Variants in GAREM1 observed in about 807,000 individuals in gnomAD.
GAREM1 encodes the protein GRB2-associated and regulator of MAPK protein 1.
A neutral mutation model predicts 71.3 loss-of-function variants in GAREM1; 26 were observed. The ratio of observed to expected loss-of-function variants is 0.36; its 90% CI spans 0.27 to 0.51. GAREM1 has a LOEUF of 0.51. Ranked by LOEUF, GAREM1 falls within the 20% of genes least tolerant of loss-of-function variation. The pLI is 0.95. For missense variants in GAREM1, 1,026 were observed against 1,103.1 expected, an observed-to-expected ratio of 0.93 and a Z score of 0.99; for synonymous variants, 440 against 433.2, an observed-to-expected ratio of 1.02 and a Z score of -0.20.
chr18:32,464,803 A>ATATAT (rs2048983954), intron 1 of GAREM1, among the ~76,000 whole-genome samples: 1 of 150,218 alleles, frequency 6.7e-6, no homozygotes, highest in African/African-American at 2.5e-5. Flanking sequence ...TGTATTTGAC[A>ATATAT]TATATTATTG....
intron 3 of GAREM1, among the ~76,000 whole-genome samples, chr18:32,308,735 G>A (rs1022718731): frequency 1.3e-5 from 2 of 149,966 alleles, no homozygotes; most frequent in African/African-American, 5.0e-5. Flanking sequence ...AGTTAAAAAC[G>A]ATAAATATTT....
At chr18:32,269,415 G>A (rs1465246073) in intron 5 of GAREM1, among the ~76,000 whole-genome samples, 1 of 152,220 alleles carries the variant, frequency 6.6e-6, no homozygotes, top group Admixed American at 6.5e-5. Flanking sequence ...GGTTTTAAGA[G>A]CAACATGAAA....
chr18:32,283,203 C>G (rs550767883), intron 4 of GAREM1, among the ~76,000 whole-genome samples: 2 of 152,180 alleles, frequency 1.3e-5, no homozygotes, highest in African/African-American at 2.4e-5. Context: ...AGGAAGAGAA[C>G]GGCCTCTCAT....
chr18:32,295,886 C>T (rs1359745896), intron 3 of GAREM1, among the ~76,000 whole-genome samples: 6 of 152,006 alleles, frequency 3.9e-5, no homozygotes, highest in Non-Finnish European at 5.9e-5. Flanking sequence ...TTTAGTACTT[C>T]GGTATTCATC....
intron 2 of GAREM1, among the ~76,000 whole-genome samples, chr18:32,327,089 A>G (rs554923258): frequency 2.0e-5 from 3 of 152,362 alleles, no homozygotes; most frequent in Admixed American, 1.3e-4. Context: ...AAATGTAAAA[A>G]GAACTGTAAT....
At chr18:32,319,106 C>T (rs2047406982) in intron 2 of GAREM1, among the ~76,000 whole-genome samples, 1 of 152,156 alleles carries the variant, frequency 6.6e-6, no homozygotes, top group South Asian at 2.1e-4. Flanking sequence ...AACTTTTCTT[C>T]TCTTACCTTT....
In GAREM1 at chr18:32,470,508, CG is replaced by C. The variant is rs2049043610; in HGVS notation, c.-81del. 3 of 1,057,250 alleles carry C rather than the reference CG, an allele frequency of 2.8e-6. No individual in the cohort carries two copies. Among genetic ancestry groups the C allele is most frequent in the African/African-American group, 3.4e-5 (2 of 58,824 alleles). 65.5% of individuals were successfully genotyped at this position (1,057,250 alleles called of 1,614,324 possible). ...GCGCCTCGGCGGCCGCCGCTGCTCG[CG>C]CTCGCGGTCTGGGGCGCGCGGGAGG... On this transcript the variant is annotated 5_prime_UTR_variant, in exon 1 of 6. Transcript: ENST00000269209. This position sits in a 1 kb window ranked among gnomAD's most constrained non-coding sequence, Gnocchi z 4.4.
At chr18:32,279,985 T>A (rs1184068755) in intron 4 of GAREM1, among the ~76,000 whole-genome samples, 1 of 152,226 alleles carries the variant, frequency 6.6e-6, no homozygotes, top group African/African-American at 2.4e-5. Context: ...AACTTAGGTA[T>A]GGCTTGCTTA....
intron 2 of GAREM1, among the ~76,000 whole-genome samples, chr18:32,323,511 A>G (rs2047448854): frequency 6.6e-6 from 1 of 152,174 alleles, no homozygotes; most frequent in South Asian, 2.1e-4. Flanking sequence ...AGATCACTTG[A>G]GGCCAGGAGT....
intron 1 of GAREM1, among the ~76,000 whole-genome samples, chr18:32,461,683 A>G (rs1049461815): frequency 2.0e-5 from 3 of 152,192 alleles, no homozygotes; most frequent in African/African-American, 7.2e-5. Flanking sequence ...GGACAGAGCA[A>G]GACTCTGTCT....
chr18:32,282,911 A>G (rs11660076), intron 4 of GAREM1, among the ~76,000 whole-genome samples: 9,853 of 152,298 alleles, frequency 0.065, 655 homozygotes, highest in African/African-American at 0.17. Flanking sequence ...AATATTTTAC[A>G]TATCAGCCAA....
chr18:32,305,872 T>A (rs974482794), intron 3 of GAREM1, among the ~76,000 whole-genome samples: 4 of 152,138 alleles, frequency 2.6e-5, no homozygotes, highest in African/African-American at 9.7e-5. Context: ...CTAGGGCACA[T>A]TCCATCAACA....
intron 4 of GAREM1, among the ~76,000 whole-genome samples, chr18:32,275,075 C>T (rs76378718): frequency 0.018 from 2,678 of 151,782 alleles, 44 homozygotes; most frequent in Non-Finnish European, 0.025. Context: ...TTTTGGTGAC[C>T]CTGAGTCAAT....
intron 2 of GAREM1, among the ~76,000 whole-genome samples, chr18:32,338,978 G>A (rs530679688): frequency 1.4e-4 from 21 of 152,286 alleles, no homozygotes; most frequent in Middle Eastern, 3.4e-3. Context: ...GAGGAATCCT[G>A]CCAGGAGACT....
rs1486622364 is a variant in GAREM1 at position 32,287,562 on chromosome 18, A to G, written c.1035T>C (p.Asp345=). 6.8e-6 allele frequency: 11 copies of G among 1,614,188 alleles called. No homozygotes were observed. The highest frequency in any genetic ancestry group is 9.3e-6 in the Non-Finnish European group (11 of 1,180,034). The part of the protein sequence containing the change: ...DIDEYSRAVR[D]VKTDWNEECK... ...ATTCTTCATTCCAGTCGGTTTTCAC[A>G]TCACGGACAGCCCGTGAATACTCAT... Residue 345 remains aspartate (D), a synonymous_variant, in exon 4 of 6, where the codon GAT becomes GAC. Coordinates refer to ENST00000269209, the MANE Select transcript of GAREM1 (RefSeq NM_001242409.2). The surrounding 1 kb of genome is among the most constrained non-coding windows in gnomAD (Gnocchi z 5.9).
At position 32,470,359 on chromosome 18, in the gene GAREM1, C is replaced by G. The variant is rs747905976; in HGVS notation, c.70G>C (p.Asp24His). ...VKWSSVAVPLDLLVSTYRLPQ... is the reference protein window; with the variant it reads ...VKWSSVAVPLHLLVSTYRLPQ... ...AGCCGGTAAGTGCTGACCAGGAGGT[C>G]GAGCGGCACGGCCACCGAGCTCCAC... Residue 24 changes from aspartate to histidine, a missense_variant, in exon 1 of 6, where the codon GAC (aspartate) becomes CAC (histidine). Transcript: ENST00000269209. This position sits in a 1 kb window ranked among gnomAD's most constrained non-coding sequence, Gnocchi z 4.4. The G allele has an allele frequency of 1.3e-6, 2 of 1,556,044 alleles. No homozygotes were observed. Among genetic ancestry groups the G allele is most frequent in the South Asian group, 2.4e-5 (2 of 84,852 alleles).
chr18:32,282,124 C>T (rs1334824775), intron 4 of GAREM1, among the ~76,000 whole-genome samples: 2 of 152,116 alleles, frequency 1.3e-5, no homozygotes, highest in Non-Finnish European at 2.9e-5. Context: ...ACTCTCTTTT[C>T]GGACTCAGCC....
chr18:32,417,805 T>C (rs2048479099), intron 1 of GAREM1, among the ~76,000 whole-genome samples: 1 of 152,128 alleles, frequency 6.6e-6, no homozygotes, highest in Non-Finnish European at 1.5e-5. Flanking sequence ...ACCTAGTATT[T>C]ATAGAACAAC....
chr18:32,349,277 T>C (rs2047725597), intron 2 of GAREM1, among the ~76,000 whole-genome samples: 1 of 152,218 alleles, frequency 6.6e-6, no homozygotes, highest in Admixed American at 6.5e-5. Flanking sequence ...ATAAATGAGA[T>C]GTCCATTAAA....
Sources: gnomAD v4.1 joint callset for allele counts (sites outside exome capture counted in the v4.1 genomes callset) on GRCh38, gnomAD v4.1.1 for gene constraint, Gnocchi (gnomAD v3.1) non-coding constraint, MANE v1.5 for transcripts, NCBI Gene and HGNC (gene_info 2026-07-23, HGNC 2026-07-21) for gene names.